NEBL: variants seen among roughly 807,000 people sequenced by gnomAD.
NEBL encodes nebulette.
NEBL carries 122 observed loss-of-function variants against 140.2 expected under a neutral mutation model. The observed-to-expected ratio is 0.87, with a 90% CI of 0.75 to 1.01. The LOEUF is 1.01. Ranked by LOEUF, NEBL falls within the 50% of genes least tolerant of loss-of-function variation. The probability of loss-of-function intolerance (pLI) is 0.00; values close to 1 mark genes in which losing one functional copy is unlikely to be tolerated. For synonymous variants in NEBL, 436 were observed against 398.9 expected (o/e 1.09, Z -1.11); for missense variants, 1,365 against 1,231.3 (o/e 1.11, Z -1.62).
chr10:21,157,510 G>A lies in NEBL; in HGVS notation c.164+14873C>T, dbSNP rs540927948. ...CACTTGAGCCTGGGAAGCAGAGGCT[G>A]CAGTGAGCCGAGATGGTGCTACTGT... On this transcript the variant is annotated intron_variant, in intron 2 of 6. Transcript: ENST00000417816. Among the ~76,000 whole-genome samples the A allele has an allele frequency of 3.9e-4, 60 of 152,256 alleles. No homozygotes were observed. The Middle Eastern group carries it at 0.01, about 26-fold the overall frequency.
chr10:21,181,726 T>C (rs893546725), intron 3 of NEBL, among the ~76,000 whole-genome samples: 3 of 152,366 alleles, frequency 2.0e-5, no homozygotes, highest in African/African-American at 4.8e-5. Flanking sequence ...CAGAGCGTAC[T>C]TTCCCACAAT....
In NEBL at chr10:21,248,958, C is replaced by T. The variant is rs57945912; in HGVS notation, n.280-969G>A. On this transcript the variant is annotated intron_variant and non_coding_transcript_variant, in intron 2 of 8. Transcript: ENST00000675702. ...AGCATCATTTCATTGTGCTTATTAA[C>T]CATTTGTAGATCTTCTTTAGAGAAA... Among the ~76,000 whole-genome samples the T allele has an allele frequency of 2.5e-3, 380 of 151,868 alleles. 16 individuals are homozygous for T. In the East Asian group the frequency reaches 0.066, roughly 26 times the overall value.
At chr10:20,838,181 G>C (rs1039388172) in intron 13 of NEBL, among the ~76,000 whole-genome samples, 3 of 152,162 alleles carry the variant, frequency 2.0e-5, no homozygotes, top group African/African-American at 7.2e-5. Context: ...AAAGTAAATT[G>C]AAAACCTTCT....
chr10:21,019,930 A>G (rs559838247), intron 3 of NEBL, among the ~76,000 whole-genome samples: 1 of 152,264 alleles, frequency 6.6e-6, no homozygotes, highest in Non-Finnish European at 1.5e-5. Context: ...GAATATCAGG[A>G]CAATTCAAGA....
intron 2 of NEBL, among the ~76,000 whole-genome samples, chr10:21,050,279 A>G (rs1361262253): frequency 6.6e-6 from 1 of 152,040 alleles, no homozygotes; most frequent in Non-Finnish European, 1.5e-5. Context: ...TCTGTTGGCA[A>G]CTTTTTTTTT....
chr10:21,172,628 T>C (rs1352937483), intron 1 of NEBL: 6 of 651,812 alleles, frequency 9.2e-6, no homozygotes, highest in Non-Finnish European at 1.6e-5. Context: ...TGTGTTTACC[T>C]ACTTTCAGCT....
chr10:21,159,100 T>C (rs907934674), intron 2 of NEBL, among the ~76,000 whole-genome samples: 53 of 152,224 alleles, frequency 3.5e-4, no homozygotes, highest in African/African-American at 1.2e-3. Context: ...TGTCCTATGA[T>C]GCTTTTCCTC....
At chr10:21,051,386 T>C (rs932935535) in intron 2 of NEBL, among the ~76,000 whole-genome samples, 2 of 152,206 alleles carry the variant, frequency 1.3e-5, no homozygotes, top group African/African-American at 4.8e-5. Context: ...AGTAGAGATG[T>C]AAAGCAGTAG....
chr10:21,222,412 A>G (rs1842083062), intron 3 of NEBL, among the ~76,000 whole-genome samples: 1 of 152,008 alleles, frequency 6.6e-6, no homozygotes, highest in Non-Finnish European at 1.5e-5. Context: ...TTACTCTTCA[A>G]ATCTCATTTT....
chr10:20,826,977 T>G (rs7916412), intron 17 of NEBL, among the ~76,000 whole-genome samples: 52,127 of 152,022 alleles, frequency 0.34, 9,259 homozygotes, highest in East Asian at 0.52. Flanking sequence ...GCCCACATTC[T>G]CTTCCAAGAA....
chr10:21,171,505 A>C (rs1372811233), intron 2 of NEBL: 2 of 152,402 alleles, frequency 1.3e-5, no homozygotes, highest in South Asian at 2.1e-4. Flanking sequence ...AACACTAGCC[A>C]AATCAAACCA....
At chr10:20,804,774 C>T (rs901460249) in intron 26 of NEBL, among the ~76,000 whole-genome samples, 3 of 151,978 alleles carry the variant, frequency 2.0e-5, no homozygotes, top group African/African-American at 4.8e-5. Context: ...GAGCAGTGAC[C>T]GGGGCCCAAG....
chr10:21,109,447 G>A (rs1213525664), intron 2 of NEBL, among the ~76,000 whole-genome samples: 2 of 152,110 alleles, frequency 1.3e-5, no homozygotes, highest in South Asian at 2.1e-4. Context: ...CAGGGATACT[G>A]GCCTGAAATT....
intron 2 of NEBL, among the ~76,000 whole-genome samples, chr10:21,152,145 C>T (rs1352698965): frequency 3.3e-5 from 5 of 152,192 alleles, no homozygotes; most frequent in Admixed American, 1.3e-4. Flanking sequence ...CTTCCAGGGC[C>T]TGCGAGGAAT....
chr10:21,242,968 T>C (rs759323436), intron 3 of NEBL, among the ~76,000 whole-genome samples: 6 of 152,144 alleles, frequency 3.9e-5, no homozygotes, highest in Non-Finnish European at 7.4e-5. Flanking sequence ...CAGTCTCCTT[T>C]GGGTGGCAGG....
chr10:20,835,610 T>C lies in NEBL; in HGVS notation c.1352A>G (p.Lys451Arg). The C allele has an allele frequency of 6.2e-7, 1 of 1,607,098 alleles. No individual in the cohort carries two copies. Among genetic ancestry groups the C allele is most frequent in the East Asian group, 2.2e-5 (1 of 44,840 alleles). Reference protein sequence around the residue: ...SEMASEKEYKKDLESIIKGKG... With the variant: ...SEMASEKEYKRDLESIIKGKG... ...CCCTTTAATTATTGACTCCAGGTCTTTCTTGTATTCTTTCTGCAAAAGACA... is the reference window on the plus strand; with the variant it reads ...CCCTTTAATTATTGACTCCAGGTCTCTCTTGTATTCTTTCTGCAAAAGACA... Residue 451 changes from lysine to arginine, a missense_variant, in exon 14 of 28, where the codon AAA (lysine) becomes AGA (arginine). Physicochemically the swap from Lys to Arg is conservative, Grantham distance 26. Transcript: ENST00000377122.
chr10:21,038,358 C>T (rs1419952633), intron 2 of NEBL, among the ~76,000 whole-genome samples: 1 of 152,100 alleles, frequency 6.6e-6, no homozygotes, highest in Admixed American at 6.5e-5. Flanking sequence ...CTGTCTCTCC[C>T]CTTTACTGCC....
At chr10:20,913,892 T>A (rs182218036) in intron 4 of NEBL, among the ~76,000 whole-genome samples, 44 of 152,348 alleles carry the variant, frequency 2.9e-4, no homozygotes, top group African/African-American at 9.1e-4. Context: ...GTTTTCTTTT[T>A]CAGGCTGTTA....
chr10:20,856,142 T>C (rs1588830674), intron 9 of NEBL, among the ~76,000 whole-genome samples: 1 of 152,176 alleles, frequency 6.6e-6, no homozygotes, highest in Admixed American at 6.5e-5. Context: ...AATTTGTCTA[T>C]GGGGAAAAAG....
Sources: gnomAD v4.1 joint callset for allele counts (sites outside exome capture counted in the v4.1 genomes callset) on GRCh38, gnomAD v4.1.1 for gene constraint, MANE v1.5 for transcripts, NCBI Gene and HGNC (gene_info 2026-07-23, HGNC 2026-07-21) for gene names.